The following IL1RAPL2 variants were observed in gnomAD, a reference collection of about 807,000 sequenced individuals.
IL1RAPL2 encodes interleukin 1 receptor accessory protein like 2, also known as X-linked interleukin-1 receptor accessory protein-like 2.
A neutral mutation model predicts 44.1 loss-of-function variants in IL1RAPL2; 3 were observed. The observed-to-expected ratio is 0.07, with a 90% CI of 0.03 to 0.18. The LOEUF (loss-of-function observed/expected upper bound fraction) is 0.18, where lower values mean the gene tolerates loss of function less well. Among genes scored for constraint, IL1RAPL2 ranks in the 10% least tolerant of loss-of-function variants. The probability of loss-of-function intolerance (pLI) is 1.00; values close to 1 mark genes in which losing one functional copy is unlikely to be tolerated. For synonymous variants in IL1RAPL2, 181 were observed against 178.8 expected (o/e 1.01, Z -0.10); for missense variants, 391 against 496.4 (o/e 0.79, Z 2.02).
chrX:105,725,751 A>G (rs1047348715), intron 7 of IL1RAPL2, among the ~76,000 whole-genome samples: 2 of 111,609 alleles, frequency 1.8e-5, no homozygotes, highest in Non-Finnish European at 1.9e-5. Flanking sequence ...AGGACCCCAC[A>G]TGTCCTTGGT....
At chrX:105,461,540 T>C (rs142213654) in intron 5 of IL1RAPL2, among the ~76,000 whole-genome samples, 12 of 111,298 alleles carry the variant, frequency 1.1e-4, no homozygotes, top group Non-Finnish European at 2.3e-4. Context: ...CCTACACATA[T>C]GCATACATTA....
intron 6 of IL1RAPL2, among the ~76,000 whole-genome samples, chrX:105,557,616 CA>C (rs747292793): frequency 2.7e-5 from 3 of 110,866 alleles, no homozygotes; most frequent in South Asian, 7.6e-4. Context: ...GGGACCAATA[CA>C]AAAAAATCTC....
intron 1 of IL1RAPL2, among the ~76,000 whole-genome samples, chrX:104,638,329 G>A (rs1392679696): frequency 1.8e-5 from 2 of 110,709 alleles, no homozygotes; most frequent in African/African-American, 6.6e-5. Flanking sequence ...TATTGGTCCT[G>A]TATCCTTGGT....
chrX:105,541,894 A>G (rs2036739386), intron 6 of IL1RAPL2, among the ~76,000 whole-genome samples: 1 of 111,196 alleles, frequency 9.0e-6, no homozygotes, highest in Admixed American at 9.6e-5. Context: ...TCAAGCCACT[A>G]TCATTCCCAC....
At chrX:104,645,349 C>T (rs1930013003) in intron 1 of IL1RAPL2, among the ~76,000 whole-genome samples, 1 of 111,615 alleles carries the variant, frequency 9.0e-6, no homozygotes, top group African/African-American at 3.3e-5. Context: ...TGTACATGAT[C>T]TTAACCCCTG....
intron 2 of IL1RAPL2, among the ~76,000 whole-genome samples, chrX:105,061,415 T>C (rs993627074): frequency 1.8e-5 from 2 of 111,811 alleles, no homozygotes; most frequent in African/African-American, 6.5e-5. Flanking sequence ...CTTGATATTA[T>C]TTCAATGTTT....
At chrX:105,690,095 C>T (rs940624396) in intron 6 of IL1RAPL2, among the ~76,000 whole-genome samples, 8 of 110,596 alleles carry the variant, frequency 7.2e-5, no homozygotes, top group African/African-American at 2.6e-4. Flanking sequence ...GGAGGGATAG[C>T]ATTAGGAGAA....
chrX:104,924,602 T>C (rs1022006762), intron 2 of IL1RAPL2, among the ~76,000 whole-genome samples: 59 of 111,672 alleles, frequency 5.3e-4, no homozygotes, highest in Admixed American at 1.9e-4. Context: ...TGAATAACTT[T>C]TGGGTAAACA....
intron 2 of IL1RAPL2, among the ~76,000 whole-genome samples, chrX:104,715,539 C>T (rs1226863274): frequency 9.2e-6 from 1 of 108,444 alleles, no homozygotes; most frequent in Non-Finnish European, 1.9e-5. Context: ...TTTGTCTTAG[C>T]CCAAACTCTT....
chrX:104,585,395 A>C (rs78806428), intron 1 of IL1RAPL2, among the ~76,000 whole-genome samples: 1 of 22,839 alleles, frequency 4.4e-5, no homozygotes, highest in African/African-American at 4.1e-4. Context: ...ATTATATATA[A>C]TATATAATAT....
rs759784870 is a variant in IL1RAPL2, at chrX:105,144,093, G to GT, written c.83-51382_83-51381insT. Among the ~76,000 whole-genome samples, 394 of 80,762 alleles carry GT rather than the reference G, an allele frequency of 4.9e-3. 2 individuals carry two copies. The highest frequency in any genetic ancestry group is 7.8e-3 in the Non-Finnish European group (350 of 44,828). The allele number at this position is 80,762 out of a possible 115,157, so 70.1% of individuals were successfully genotyped here. On this transcript the variant is annotated intron_variant, in intron 2 of 10. Coordinates refer to ENST00000372582, the MANE Select transcript of IL1RAPL2 (RefSeq NM_017416.2). ...CAGTCAGAGTCTCCTTTCAACAGAT[G>GT]GGTGTGTGTGTGTGTGTGTGTGTGT...
intron 2 of IL1RAPL2, among the ~76,000 whole-genome samples, chrX:104,862,700 A>C (rs1196256984): frequency 1.8e-5 from 2 of 112,018 alleles, no homozygotes; most frequent in East Asian, 5.6e-4. Context: ...ATTACTAATA[A>C]TATAGTTCCA....
chrX:104,886,761 A>G (rs1196107091), intron 2 of IL1RAPL2, among the ~76,000 whole-genome samples: 1 of 112,236 alleles, frequency 8.9e-6, no homozygotes, highest in Non-Finnish European at 1.9e-5. Context: ...CACAGACCAC[A>G]CATCCCAACT....
chrX:105,149,784 A>C (rs1466092894), intron 2 of IL1RAPL2, among the ~76,000 whole-genome samples: 1 of 110,852 alleles, frequency 9.0e-6, no homozygotes, highest in East Asian at 2.8e-4. Context: ...CAATGAGCCA[A>C]GATCATGCCA....
At chrX:104,640,663 C>A (rs1405354726) in intron 1 of IL1RAPL2, among the ~76,000 whole-genome samples, 1 of 111,789 alleles carries the variant, frequency 8.9e-6, no homozygotes, top group African/African-American at 3.3e-5. Context: ...GTACTTTTTC[C>A]TGAAGATGTA....
chrX:105,251,864 G>C (rs2034271869), intron 4 of IL1RAPL2, among the ~76,000 whole-genome samples: 1 of 111,195 alleles, frequency 9.0e-6, no homozygotes, highest in Non-Finnish European at 1.9e-5. Context: ...AAATGGAAAA[G>C]TTATGTGGAA....
chrX:105,646,820 C>G (rs1818403676), intron 6 of IL1RAPL2, among the ~76,000 whole-genome samples: 1 of 112,137 alleles, frequency 8.9e-6, no homozygotes. Flanking sequence ...AGGGGCCATA[C>G]TTTTCACAGA....
chrX:105,041,844 A>G (rs1394664720), intron 2 of IL1RAPL2, among the ~76,000 whole-genome samples: 2 of 111,058 alleles, frequency 1.8e-5, no homozygotes, highest in African/African-American at 6.6e-5. Flanking sequence ...AGGCTACAGT[A>G]ACCAAAAGAG....
intron 5 of IL1RAPL2, among the ~76,000 whole-genome samples, chrX:105,382,620 G>C (rs1264878203): frequency 3.8e-5 from 4 of 105,009 alleles, no homozygotes; most frequent in Non-Finnish European, 5.8e-5. Flanking sequence ...CCATTACTGG[G>C]TATATACCCA....
Sources: allele counts gnomAD v4.1 joint callset (sites outside exome capture counted in the v4.1 genomes callset), GRCh38; gene constraint gnomAD v4.1.1; transcripts MANE v1.5; gene names NCBI Gene and HGNC (gene_info 2026-07-23, HGNC 2026-07-21).